Variants in NBL1 observed in about 807,000 individuals in gnomAD.
NBL1 encodes NBL1, DAN family BMP antagonist.
A neutral mutation model predicts 16.0 loss-of-function variants in NBL1; 9 were observed. That is an observed-to-expected ratio of 0.56 (90% confidence interval 0.34 to 0.98). The LOEUF is 0.98. Ranked by LOEUF, NBL1 falls within the 50% of genes least tolerant of loss-of-function variation. NBL1 has a pLI of 0.02. For synonymous variants in NBL1, 86 were observed against 100.7 expected (o/e 0.85, Z 0.87); for missense variants, 196 against 243.1 (o/e 0.81, Z 1.29).
chr1:19,647,722 A>C (rs1036324611), intron 1 of NBL1: 1 of 964,016 alleles, frequency 1.0e-6, no homozygotes. Context: ...AGGTTCCCCG[A>C]GGAGGTTCTG....
upstream of NBL1, chr1:19,644,110 C>T (rs896496690): frequency 4.9e-5 from 48 of 974,382 alleles, no homozygotes; most frequent in Middle Eastern, 5.3e-4. The surrounding 1 kb of genome is among the most constrained non-coding windows in gnomAD (Gnocchi z 4.6). Flanking sequence ...AAGCTCAGCC[C>T]GGGGCGGGCG....
At chr1:19,649,715 G>A (rs577054470) in intron 1 of NBL1, among the ~76,000 whole-genome samples, 4 of 152,092 alleles carry the variant, frequency 2.6e-5, no homozygotes, top group East Asian at 1.9e-4. Context: ...TCATGATTGT[G>A]TAGTGGCATG....
rs552621026 is a variant in NBL1 at position 19,656,971 on chromosome 1, G to T, written c.388G>T (p.Glu130Ter). 20 of 1,610,456 alleles carry T rather than the reference G, an allele frequency of 1.2e-5. No individual in the cohort carries two copies. Among genetic ancestry groups the T allele is most frequent in the Admixed American group, 3.4e-5 (2 of 59,500 alleles). Residue 130 changes from glutamate to a stop codon, truncating the protein, a stop_gained, in exon 4 of 4, where the codon GAG (glutamate) becomes TAG (stop). Transcript: ENST00000375136. LOFTEE classifies it high-confidence loss of function. ...CQACGKEPSH[E>*]GLSVYVQGED... is the part of the protein sequence containing the mutation. ...GGCCTGCGGCAAGGAGCCTAGTCAC[G>T]AGGGGCTGAGCGTCTATGTGCAGGG... is the stretch of plus-strand genomic sequence containing the variant.
upstream of NBL1, chr1:19,643,398 G>A: frequency 1.2e-6 from 2 of 1,613,640 alleles, no homozygotes; most frequent in Non-Finnish European, 1.7e-6. This position sits in a 1 kb window ranked among gnomAD's most constrained non-coding sequence, Gnocchi z 4.7. Context: ...ATGGACACAG[G>A]TAACTATGCT....
chr1:19,658,357 C>G lies in NBL1; in HGVS notation c.*1228C>G, dbSNP rs2095067086. ...CTCCTGCCTGGGGTGGCCTGGCCCT[C>G]CTGGCTGTTGCGACGCGGGCTTCTG... On this transcript the variant is annotated 3_prime_UTR_variant, in exon 4 of 4. Transcript: ENST00000375136. 1 of 152,798 alleles carries G rather than the reference C, an allele frequency of 6.5e-6. No homozygotes were observed. Among genetic ancestry groups the G allele is most frequent in the Admixed American group, 6.5e-5 (1 of 15,288 alleles). 9.5% of individuals were successfully genotyped at this position (152,798 alleles called of 1,614,324 possible).
chr1:19,644,092 G>T, upstream of NBL1: 1 of 973,400 alleles, frequency 1.0e-6, no homozygotes. This position sits in a 1 kb window ranked among gnomAD's most constrained non-coding sequence, Gnocchi z 4.6. Flanking sequence ...CGCCGTCGGA[G>T]CGCGCCGAAG....
At chr1:19,645,514 A>AC in intron 1 of NBL1, 1 of 1,000,696 alleles carries the variant, frequency 1.0e-6, no homozygotes, top group Non-Finnish European at 1.2e-6. Context: ...AACTAGGGGC[A>AC]CCCCAGGAAA....
rs911882642 is a variant in NBL1 at position 19,644,833 on chromosome 1, C to G, written c.-20+387C>G. On this transcript the variant is annotated intron_variant, in intron 1 of 3. Transcript: ENST00000375136. This position sits in a 1 kb window ranked among gnomAD's most constrained non-coding sequence, Gnocchi z 4.6. ...GTGCCCGGGCCTCGCCGCGCCGCGC[C>G]TCTCGGCTCTGGACGTTTCCGCCTC... 5.9e-5 allele frequency among the ~76,000 whole-genome samples: 9 copies of G among 152,116 alleles called. No individual in the cohort carries two copies. Among genetic ancestry groups the G allele is most frequent in the African/African-American group, 1.9e-4 (8 of 41,450 alleles).
chr1:19,644,964 G>T lies in NBL1; in HGVS notation c.-20+518G>T, dbSNP rs554761646. Among the ~76,000 whole-genome samples the T allele has an allele frequency of 6.6e-6, 1 of 152,170 alleles. No individual in the cohort carries two copies. The highest frequency in any genetic ancestry group is 1.9e-4 in the East Asian group (1 of 5,158). On this transcript the variant is annotated intron_variant, in intron 1 of 3. Coordinates refer to ENST00000375136, the MANE Select transcript of NBL1 (RefSeq NM_005380.8). The surrounding 1 kb of genome is among the most constrained non-coding windows in gnomAD (Gnocchi z 4.6). The stretch of plus-strand genomic sequence containing the variant: ...GTCTGCCCGTCTCTTTCCGTTCCCC[G>T]CCTGCCTCCGTGTTCGGCTGCCCGC...
chr1:19,653,701 C>T (rs1293121635), intron 1 of NBL1, among the ~76,000 whole-genome samples: 4 of 152,240 alleles, frequency 2.6e-5, no homozygotes, highest in Admixed American at 1.3e-4. Flanking sequence ...TGCCCTTTCT[C>T]GGCTGTGCCG....
At position 19,655,871 on chromosome 1, in the gene NBL1, C is replaced by T. The variant is rs142152951; in HGVS notation, c.282+436C>T. Among the ~76,000 whole-genome samples the T allele has an allele frequency of 2.6e-4, 39 of 152,314 alleles. No homozygotes were observed. The East Asian group carries it at 6.0e-3, about 23-fold the overall frequency. ...CTCGCACCTGCTCCGTTCGCTTCTACCCCAGGGCCCTTGCACCTGTTCTTT... is the reference window on the plus strand; with the variant it reads ...CTCGCACCTGCTCCGTTCGCTTCTATCCCAGGGCCCTTGCACCTGTTCTTT... On this transcript the variant is annotated intron_variant, in intron 3 of 3. Coordinates refer to ENST00000375136, the MANE Select transcript of NBL1 (RefSeq NM_005380.8).
chr1:19,649,473 C>G (rs1231215234), intron 1 of NBL1, among the ~76,000 whole-genome samples: 1 of 152,040 alleles, frequency 6.6e-6, no homozygotes, highest in East Asian at 1.9e-4. Flanking sequence ...ATTCTCCTGC[C>G]TCAGCCTCCT....
In NBL1 at chr1:19,656,925, G is replaced by A; in HGVS notation, c.342G>A (p.Lys114=). 1 of 1,613,412 alleles carries A rather than the reference G, an allele frequency of 6.2e-7. No homozygotes were observed. Among genetic ancestry groups the A allele is most frequent in the African/African-American group, 1.3e-5 (1 of 74,994 alleles). The change falls in exon 4 of 4, where the codon AAG becomes AAA. Residue 114 remains lysine (K), a synonymous_variant. Coordinates refer to ENST00000375136, the MANE Select transcript of NBL1 (RefSeq NM_005380.8). ...CCAGGGTGGACAAGCTGGTGGAGAA[G>A]ATCCTGCACTGTAGCTGCCAGGCCT... ...EVPRVDKLVE[K]ILHCSCQACG... is the part of the protein sequence containing the mutation.
chr1:19,647,594 T>C (rs2094988902), intron 1 of NBL1: 1 of 985,084 alleles, frequency 1.0e-6, no homozygotes, highest in African/African-American at 1.8e-5. Context: ...GCATCTGGTT[T>C]GAAAGCCACC....
At chr1:19,645,129 C>T (rs935917149) in intron 1 of NBL1, among the ~76,000 whole-genome samples, 1 of 152,208 alleles carries the variant, frequency 6.6e-6, no homozygotes, top group Non-Finnish European at 1.5e-5. Context: ...GGAGGCTCGC[C>T]TTCCCCCAGC....
At chr1:19,645,873 C>T in intron 1 of NBL1, 1 of 1,533,162 alleles carries the variant, frequency 6.5e-7, no homozygotes. Flanking sequence ...TTCCCCCCAC[C>T]CACAACCTCA....
At chr1:19,647,580 G>A in intron 1 of NBL1, 2 of 985,194 alleles carry the variant, frequency 2.0e-6, no homozygotes, top group Non-Finnish European at 2.4e-6. Context: ...GCAGGGGAGG[G>A]GGAGCATCTG....
chr1:19,649,804 G>C (rs1408677455), intron 1 of NBL1, among the ~76,000 whole-genome samples: 1 of 151,878 alleles, frequency 6.6e-6, no homozygotes, highest in Non-Finnish European at 1.5e-5. Context: ...TGGGACCACA[G>C]GCATGCACCA....
chr1:19,643,496 C>T (rs959932875), upstream of NBL1: 12 of 1,542,392 alleles, frequency 7.8e-6, no homozygotes, highest in African/African-American at 1.6e-4. This position sits in a 1 kb window ranked among gnomAD's most constrained non-coding sequence, Gnocchi z 4.7. Flanking sequence ...TTTCTCACCC[C>T]GTTGTTAAGC....
Sources: allele counts gnomAD v4.1 joint callset (sites outside exome capture counted in the v4.1 genomes callset), GRCh38; gene constraint gnomAD v4.1.1; non-coding constraint Gnocchi (gnomAD v3.1); transcripts MANE v1.5; gene names NCBI Gene and HGNC (gene_info 2026-07-23, HGNC 2026-07-21).